Variants in IL1RAPL1 observed in about 807,000 individuals in gnomAD.
IL1RAPL1 encodes the protein interleukin-1 receptor accessory protein-like 1.
In IL1RAPL1, 3 loss-of-function variants were observed where a neutral mutation model predicts 48.4. The ratio of observed to expected loss-of-function variants is 0.06; its 90% CI spans 0.03 to 0.16. The LOEUF is 0.16. Among genes scored for constraint, IL1RAPL1 ranks in the 10% least tolerant of loss-of-function variants. The pLI is 1.00. For missense variants in IL1RAPL1, 349 were observed against 530.6 expected, an observed-to-expected ratio of 0.66 and a Z score of 3.36; for synonymous variants, 185 against 187.7, an observed-to-expected ratio of 0.99 and a Z score of 0.12.
intron 1 of IL1RAPL1, among the ~76,000 whole-genome samples, chrX:28,742,486 C>G (rs1422469735): frequency 1.8e-5 from 2 of 111,391 alleles, no homozygotes; most frequent in Non-Finnish European, 3.8e-5. Flanking sequence ...ATTTGTATTT[C>G]CACCTTAAAC....
chrX:28,615,357 T>C (rs190317888), intron 1 of IL1RAPL1, among the ~76,000 whole-genome samples: 1 of 108,760 alleles, frequency 9.2e-6, no homozygotes, highest in East Asian at 2.9e-4. Context: ...GTATTAGCAA[T>C]ATATTATAGT....
intron 2 of IL1RAPL1, among the ~76,000 whole-genome samples, chrX:29,063,011 C>G (rs1203790264): frequency 9.0e-6 from 1 of 111,421 alleles, no homozygotes; most frequent in Non-Finnish European, 1.9e-5. Context: ...TGTATGTAGA[C>G]TTAGTGTTAA....
At chrX:28,726,423 G>A (rs998667546) in intron 1 of IL1RAPL1, among the ~76,000 whole-genome samples, 11 of 112,480 alleles carry the variant, frequency 9.8e-5, no homozygotes, top group African/African-American at 2.9e-4. Context: ...AAGCTGTAAT[G>A]TCTAAGATTC....
At chrX:28,826,859 A>G (rs1217983862) in intron 2 of IL1RAPL1, among the ~76,000 whole-genome samples, 4 of 111,105 alleles carry the variant, frequency 3.6e-5, no homozygotes, top group Non-Finnish European at 7.6e-5. Context: ...CCTACACCAT[A>G]GTAGTAATAT....
intron 5 of IL1RAPL1, among the ~76,000 whole-genome samples, chrX:29,454,986 C>G (rs1368298801): frequency 9.0e-6 from 1 of 110,980 alleles, no homozygotes; most frequent in Non-Finnish European, 1.9e-5. Context: ...CATACAGCAT[C>G]CAACTATAGA....
intron 2 of IL1RAPL1, among the ~76,000 whole-genome samples, chrX:29,182,101 CT>C (rs1459143449): frequency 1.1e-5 from 1 of 89,957 alleles, no homozygotes; most frequent in East Asian, 4.8e-4. Flanking sequence ...AACTTTTAGC[CT>C]TGCCCCCCCC....
intron 6 of IL1RAPL1, among the ~76,000 whole-genome samples, chrX:29,712,778 G>A (rs1927386531): frequency 8.9e-6 from 1 of 112,087 alleles, no homozygotes; most frequent in Admixed American, 9.5e-5. Flanking sequence ...ACTGCATTCT[G>A]ACATAAGTAA....
chrX:29,067,187 G>C (rs1927469338), intron 2 of IL1RAPL1, among the ~76,000 whole-genome samples: 1 of 111,518 alleles, frequency 9.0e-6, no homozygotes, highest in Non-Finnish European at 1.9e-5. Flanking sequence ...TTCTGGAAGT[G>C]AAAGTACTCC....
intron 2 of IL1RAPL1, among the ~76,000 whole-genome samples, chrX:28,956,070 G>T (rs1407348667): frequency 1.1e-4 from 12 of 105,497 alleles, no homozygotes; most frequent in Non-Finnish European, 2.1e-4. Context: ...GCTGTTTGTG[G>T]TTGGTGTATA....
At chrX:29,322,625 C>T (rs1274463359) in intron 3 of IL1RAPL1, among the ~76,000 whole-genome samples, 1 of 111,635 alleles carries the variant, frequency 9.0e-6, no homozygotes, top group Non-Finnish European at 1.9e-5. Flanking sequence ...ACATAATAAA[C>T]TACTCTAAAA....
chrX:28,993,938 A>G (rs184735101), intron 2 of IL1RAPL1, among the ~76,000 whole-genome samples: 32 of 111,839 alleles, frequency 2.9e-4, no homozygotes, highest in Admixed American at 2.8e-3. Flanking sequence ...TATTCAACAA[A>G]TACTTGTGGA....
chrX:28,828,705 G>A (rs746486445), intron 2 of IL1RAPL1, among the ~76,000 whole-genome samples: 3 of 112,032 alleles, frequency 2.7e-5, no homozygotes, highest in Admixed American at 1.9e-4. Flanking sequence ...TAGGACCACC[G>A]ATGTCTGTTC....
chrX:29,563,143 TATAGAG>T (rs1006244302), intron 5 of IL1RAPL1, among the ~76,000 whole-genome samples: 10 of 112,220 alleles, frequency 8.9e-5, no homozygotes, highest in Non-Finnish European at 9.4e-5. Context: ...AAAATAGAGA[TATAGAG>T]ATAAAGTACA....
chrX:28,942,700 T>C (rs1024127067), intron 2 of IL1RAPL1: 2 of 106,663 alleles, frequency 1.9e-5, no homozygotes, highest in African/African-American at 3.4e-5. Flanking sequence ...GTAAGTTTTA[T>C]AATGACTTAG....
At chrX:29,366,107 T>C (rs995141737) in intron 3 of IL1RAPL1, among the ~76,000 whole-genome samples, 18 of 110,164 alleles carry the variant, frequency 1.6e-4, no homozygotes, top group Non-Finnish European at 2.7e-4. Context: ...GATTGTGTCG[T>C]AGTTAGAAAT....
At chrX:29,166,169 G>T (rs1929782559) in intron 2 of IL1RAPL1, among the ~76,000 whole-genome samples, 1 of 112,262 alleles carries the variant, frequency 8.9e-6, no homozygotes, top group Non-Finnish European at 1.9e-5. Context: ...ATGTGTTCAT[G>T]CTGGAAGACG....
At chrX:29,179,358 A>G (rs949164556) in intron 2 of IL1RAPL1, among the ~76,000 whole-genome samples, 2 of 111,530 alleles carry the variant, frequency 1.8e-5, no homozygotes, top group African/African-American at 6.5e-5. Flanking sequence ...CTTTGTAGCA[A>G]TTGTGAATGG....
chrX:28,754,246 T>A lies in IL1RAPL1; in HGVS notation c.-24-35074T>A, dbSNP rs767599424. Reference sequence around the variant, plus strand: ...TCTTACAATTTCTTAACCTCTATTTTAAAAAATCTTTTCTCTTCATCATTA... The same window carrying A: ...TCTTACAATTTCTTAACCTCTATTTAAAAAAATCTTTTCTCTTCATCATTA... On this transcript the variant is annotated intron_variant, in intron 1 of 10. Coordinates refer to ENST00000378993, the MANE Select transcript of IL1RAPL1 (RefSeq NM_014271.4). Among the ~76,000 whole-genome samples the A allele has an allele frequency of 9.0e-5, 10 of 111,689 alleles. No homozygotes were observed. In the East Asian group the frequency reaches 2.8e-3, roughly 32 times the overall value.
chrX:29,376,261 A>T (rs780689843), intron 3 of IL1RAPL1, among the ~76,000 whole-genome samples: 1 of 111,667 alleles, frequency 9.0e-6, no homozygotes, highest in Admixed American at 9.6e-5. Context: ...TTTTGATAAG[A>T]TATATCCCGA....
Sources: gnomAD v4.1 joint callset for allele counts (sites outside exome capture counted in the v4.1 genomes callset) on GRCh38, gnomAD v4.1.1 for gene constraint, MANE v1.5 for transcripts, NCBI Gene and HGNC (gene_info 2026-07-23, HGNC 2026-07-21) for gene names.